The following SPATA13 variants were observed in gnomAD, a reference collection of about 807,000 sequenced individuals.
SPATA13 encodes spermatogenesis-associated protein 13.
SPATA13 carries 50 observed loss-of-function variants against 104.0 expected under a neutral mutation model. The observed-to-expected ratio is 0.48, with a 90% CI of 0.38 to 0.61. The LOEUF (loss-of-function observed/expected upper bound fraction) is 0.61. Among genes scored for constraint, SPATA13 ranks in the 20% least tolerant of loss-of-function variants. SPATA13 has a pLI of 0.00. For synonymous variants in SPATA13, 606 were observed against 667.5 expected (o/e 0.91, Z 1.42); for missense variants, 1,524 against 1,690.6 (o/e 0.90, Z 1.73).
intron 1 of SPATA13, among the ~76,000 whole-genome samples, chr13:24,190,271 T>TTATTATATAACATATGTTATATAATATA (rs1566141560): frequency 8.9e-4 from 6 of 6,714 alleles, no homozygotes; most frequent in African/African-American, 2.5e-3. Flanking sequence ...ATAATATATA[T>TTATTATATAACATATGTTATATAATATA]TATTATATAT....
intron 3 of SPATA13, among the ~76,000 whole-genome samples, chr13:24,104,403 C>T (rs543252585): frequency 6.6e-4 from 100 of 152,286 alleles, no homozygotes; most frequent in African/African-American, 2.4e-3. Context: ...TTTTACAATT[C>T]TCAAGGCAGG....
At chr13:24,283,095 A>G (rs1457748541) in intron 4 of SPATA13, among the ~76,000 whole-genome samples, 1 of 152,148 alleles carries the variant, frequency 6.6e-6, no homozygotes, top group Non-Finnish European at 1.5e-5. Context: ...GCTTCGAATC[A>G]AGCCACCTGT....
chr13:24,295,326 A>G lies in SPATA13; in HGVS notation c.3210+458A>G, dbSNP rs1319364967. 3.3e-5 allele frequency among the ~76,000 whole-genome samples: 5 copies of G among 152,064 alleles called. No individual in the cohort carries two copies. In the East Asian group the frequency reaches 9.6e-4, roughly 29 times the overall value. On this transcript the variant is annotated intron_variant, in intron 10 of 12. Transcript: ENST00000382108. ...TACCGTGAGCATTTTATAAAACAGT[A>G]CAGGCCAGGCACAGTGGCTCACACC...
At chr13:24,084,769 C>T (rs1336775078) in intron 3 of SPATA13, among the ~76,000 whole-genome samples, 1 of 152,084 alleles carries the variant, frequency 6.6e-6, no homozygotes, top group Non-Finnish European at 1.5e-5. Context: ...TCTGTAATCC[C>T]AACACTGTGA....
rs75798263 is a variant in SPATA13, at chr13:24,099,514, G to A, written c.-112+81813G>A. Among the ~76,000 whole-genome samples the A allele has an allele frequency of 1.4e-4, 22 of 152,352 alleles. No individual in the cohort carries two copies. In the East Asian group the frequency reaches 4.2e-3, roughly 29 times the overall value. On this transcript the variant is annotated intron_variant, in intron 3 of 14. Transcript: ENST00000424834. ...AGACATGGGGCATTTTCTTGACCAT[G>A]GAAAGTTCTGTCAGAGGGTGTGCTT...
intron 2 of SPATA13, among the ~76,000 whole-genome samples, chr13:24,248,455 G>A (rs1162167470): frequency 6.6e-6 from 1 of 152,208 alleles, no homozygotes; most frequent in African/African-American, 2.4e-5. Flanking sequence ...ACATTGTGTT[G>A]CCTCTGAAAA....
chr13:23,984,266 T>G (rs1875045751), intron 2 of SPATA13, among the ~76,000 whole-genome samples: 1 of 152,146 alleles, frequency 6.6e-6, no homozygotes, highest in African/African-American at 2.4e-5. Context: ...GGTTCCAGAG[T>G]CTTCTGCCAC....
Position 24,051,273 on chromosome 13 carries a change from A to G in SPATA13, c.-112+33572A>G, listed in dbSNP as rs9511020. ...GAACAGCAGGAAGTGATTTCCAATC[A>G]CGTTGGACATGCTGTGCCTGCAGCC... On this transcript the variant is annotated intron_variant, in intron 3 of 14. Transcript: ENST00000424834. The surrounding 1 kb of genome is among the most constrained non-coding windows in gnomAD (Gnocchi z 4.2). Among the ~76,000 whole-genome samples the G allele has an allele frequency of 0.019, 2,926 of 152,302 alleles. 37 individuals are homozygous for G. Among genetic ancestry groups the G allele is most frequent in the Middle Eastern group, 0.048 (14 of 294 alleles).
In SPATA13 at chr13:24,216,470, C is replaced by T. The variant is rs1039751208; in HGVS notation, c.-111-6349C>T. 1.3e-4 allele frequency among the ~76,000 whole-genome samples: 20 copies of T among 152,328 alleles called. No homozygotes were observed. The South Asian group carries it at 3.1e-3, about 24-fold the overall frequency. On this transcript the variant is annotated intron_variant, in intron 1 of 12. Coordinates refer to ENST00000382108, the MANE Select transcript of SPATA13 (RefSeq NM_001166271.3). The stretch of plus-strand genomic sequence containing the variant: ...GAAATTGACACCTTTCCAAAAGATA[C>T]GCTTATTCTAGTTGCATTTGTCCAT...
chr13:24,009,697 C>A (rs1050408643), intron 2 of SPATA13, among the ~76,000 whole-genome samples: 2 of 152,164 alleles, frequency 1.3e-5, no homozygotes, highest in Non-Finnish European at 2.9e-5. Context: ...GTGGTGGAGA[C>A]CAAAGTTTTA....
intron 1 of SPATA13, among the ~76,000 whole-genome samples, chr13:24,191,903 G>A (rs924548189): frequency 6.6e-6 from 1 of 152,120 alleles, no homozygotes; most frequent in East Asian, 1.9e-4. Context: ...CTAAAACCGG[G>A]TTCTTGTCAC....
In SPATA13 at chr13:24,148,367, ATT is replaced by A. The variant is rs59988914; in HGVS notation, c.-111-74444_-111-74443del. Among the ~76,000 whole-genome samples, 722 of 150,896 alleles carry A rather than the reference ATT, an allele frequency of 4.8e-3. 5 individuals are homozygous for A. Among genetic ancestry groups the A allele is most frequent in the African/African-American group, 0.017 (691 of 41,060 alleles). ...GAACACAAGGCTTTTTTGTTTTTTT[ATT>A]TTTTTTTCCTGAAATGCATACATCC... On this transcript the variant is annotated intron_variant, in intron 3 of 14. Transcript: ENST00000424834.
chr13:24,286,510 A>T lies in SPATA13; in HGVS notation c.2481+117A>T. The T allele has an allele frequency of 8.8e-7, 1 of 1,133,232 alleles. No homozygotes were observed. Among genetic ancestry groups the T allele is most frequent in the Admixed American group, 2.8e-5 (1 of 35,216 alleles). The allele number at this position is 1,133,232 out of a possible 1,614,324, so 70.2% of individuals were successfully genotyped here. ...TTTTGTAATTGATATCTGACATGCA[A>T]GTCACACCTGTAAGAAATTAGGCTG... is the stretch of plus-strand genomic sequence containing the variant. On this transcript the variant is annotated intron_variant, in intron 6 of 12. Transcript: ENST00000382108. The surrounding 1 kb of genome is among the most constrained non-coding windows in gnomAD (Gnocchi z 4.9).
intron 3 of SPATA13, among the ~76,000 whole-genome samples, chr13:24,126,053 C>T (rs991199070): frequency 3.3e-5 from 5 of 152,006 alleles, no homozygotes; most frequent in African/African-American, 9.7e-5. Flanking sequence ...ATCAAACAGG[C>T]GAGAGTCTTG....
intron 3 of SPATA13, among the ~76,000 whole-genome samples, chr13:24,031,201 C>A (rs558901877): frequency 5.9e-5 from 9 of 152,316 alleles, no homozygotes; most frequent in Non-Finnish European, 1.0e-4. Context: ...GGCATGGATG[C>A]CAGCATTGGG....
chr13:24,124,246 G>A (rs1264480321), intron 3 of SPATA13, among the ~76,000 whole-genome samples: 3 of 152,194 alleles, frequency 2.0e-5, no homozygotes, highest in African/African-American at 7.2e-5. Flanking sequence ...ATGTGTTTTT[G>A]TTGTCTTTAG....
At chr13:24,288,133 C>T (rs1237724388) in intron 7 of SPATA13, among the ~76,000 whole-genome samples, 8 of 152,166 alleles carry the variant, frequency 5.3e-5, no homozygotes, top group Admixed American at 5.2e-4. Context: ...GACTGTTTGT[C>T]ACCCCTCACC....
At chr13:24,068,174 A>G (rs958232991) in intron 3 of SPATA13, among the ~76,000 whole-genome samples, 5 of 152,026 alleles carry the variant, frequency 3.3e-5, no homozygotes, top group African/African-American at 4.8e-5. Flanking sequence ...CCACTCTCCA[A>G]TAGGCCCCAG....
At chr13:24,077,397 A>T (rs1879368043) in intron 3 of SPATA13, among the ~76,000 whole-genome samples, 1 of 152,072 alleles carries the variant, frequency 6.6e-6, no homozygotes, top group African/African-American at 2.4e-5. Context: ...AGTACATGTG[A>T]TCATACTGGA....
Sources: gnomAD v4.1 joint callset for allele counts (sites outside exome capture counted in the v4.1 genomes callset) on GRCh38, gnomAD v4.1.1 for gene constraint, Gnocchi (gnomAD v3.1) non-coding constraint, MANE v1.5 for transcripts, NCBI Gene and HGNC (gene_info 2026-07-23, HGNC 2026-07-21) for gene names.